The following CFAP58 variants were observed in gnomAD, a reference collection of about 807,000 sequenced individuals.
CFAP58 encodes the protein cilia and flagella associated protein 58.
A neutral mutation model predicts 119.5 loss-of-function variants in CFAP58; 88 were observed. That is an observed-to-expected ratio of 0.74 (90% CI 0.62 to 0.88). CFAP58 has a LOEUF of 0.88. Ranked by LOEUF, CFAP58 falls within the 40% of genes least tolerant of loss-of-function variation. The pLI is 0.00. For synonymous variants in CFAP58, 365 were observed against 366.3 expected (o/e 1.00, Z 0.04); for missense variants, 990 against 1,021.2 (o/e 0.97, Z 0.42).
chr10:104,357,966 T>C lies in CFAP58; in HGVS notation c.10-375T>C, dbSNP rs1018768368. Among the ~76,000 whole-genome samples, 136 of 103,202 alleles carry C rather than the reference T, an allele frequency of 1.3e-3. 3 individuals carry two copies. In the South Asian group the frequency reaches 0.021, roughly 16 times the overall value. 67.7% of individuals were successfully genotyped at this position (103,202 alleles called of 152,430 possible). A position where few individuals can be genotyped will look rare whatever the true frequency, so the allele number is the denominator to read the frequency against. ...ATGTACACATATATACACATATATG[T>C]ACACATATGTACATATGTACACATA... is the stretch of plus-strand genomic sequence containing the variant. On this transcript the variant is annotated intron_variant, in intron 1 of 17. Coordinates refer to ENST00000369704, the MANE Select transcript of CFAP58 (RefSeq NM_001008723.2).
intron 9 of CFAP58, chr10:104,382,193 G>C (rs1188162506): frequency 2.8e-6 from 2 of 717,376 alleles, no homozygotes; most frequent in South Asian, 3.0e-5. Context: ...CCCTCAGGGA[G>C]CTTCTGAGCC....
intron 7 of CFAP58, among the ~76,000 whole-genome samples, chr10:104,376,481 C>T (rs982279044): frequency 1.5e-5 from 2 of 131,514 alleles, no homozygotes; most frequent in African/African-American, 5.8e-5. Context: ...CCAGCCTGGG[C>T]GACAGAGCAA....
At chr10:104,353,799 A>G, upstream of CFAP58, 1 of 1,449,064 alleles carries the variant, frequency 6.9e-7, no homozygotes, top group Non-Finnish European at 9.5e-7. Context: ...GGCGGGCGAT[A>G]GAGACAGCGC....
At chr10:104,433,016 G>T (rs1257064540) in intron 15 of CFAP58, among the ~76,000 whole-genome samples, 1 of 152,202 alleles carries the variant, frequency 6.6e-6, no homozygotes, top group Non-Finnish European at 1.5e-5. Flanking sequence ...TAAGGTTAAA[G>T]ATGGCTTTGC....
At chr10:104,338,842 ACT>A in the CFAP58 span, among the ~76,000 whole-genome samples, 2 of 151,750 alleles carry the variant, frequency 1.3e-5, no homozygotes, top group East Asian at 3.9e-4. Context: ...GGAAAATATA[ACT>A]CTAGACAAAA....
chr10:104,339,839 T>C, the CFAP58 span, among the ~76,000 whole-genome samples: 4 of 152,162 alleles, frequency 2.6e-5, no homozygotes, highest in African/African-American at 4.8e-5. Flanking sequence ...TTGAAAGAGC[T>C]GTATTTCCAA....
At chr10:104,452,923 G>A (rs2013218059) in intron 17 of CFAP58, among the ~76,000 whole-genome samples, 1 of 152,058 alleles carries the variant, frequency 6.6e-6, no homozygotes, top group Admixed American at 6.6e-5. Flanking sequence ...TAGTTCATAG[G>A]AGAATAGCAA....
rs370273670 is a variant in CFAP58, at chr10:104,385,396, T to A, written c.1365+5176T>A. 6.0e-5 allele frequency among the ~76,000 whole-genome samples: 9 copies of A among 149,240 alleles called. No homozygotes were observed. In the South Asian group the frequency reaches 1.7e-3, roughly 28 times the overall value. ...CGTTACTGCTAGGAGAAAGCAAAGATGAAATAAAAAGGAAGAGTTGGACAA... is the reference window on the plus strand; with the variant it reads ...CGTTACTGCTAGGAGAAAGCAAAGAAGAAATAAAAAGGAAGAGTTGGACAA... On this transcript the variant is annotated intron_variant, in intron 9 of 17. Transcript: ENST00000369704.
At chr10:104,371,748 A>G (rs769904998) in intron 7 of CFAP58, among the ~76,000 whole-genome samples, 1 of 152,224 alleles carries the variant, frequency 6.6e-6, no homozygotes, top group Non-Finnish European at 1.5e-5. Context: ...ATCATCATCC[A>G]GATATATTCT....
At chr10:104,357,936 C>T (rs529691179) in intron 1 of CFAP58, among the ~76,000 whole-genome samples, 3 of 111,426 alleles carry the variant, frequency 2.7e-5, no homozygotes, top group East Asian at 2.3e-4. Context: ...CATATACACA[C>T]ATATATGTAC....
rs557129519 is a variant in CFAP58 at position 104,368,401 on chromosome 10, C to G, written c.793-22C>G. 82 of 1,612,114 alleles carry G rather than the reference C, an allele frequency of 5.1e-5. No individual in the cohort carries two copies. The South Asian group carries it at 8.8e-4, about 17-fold the overall frequency. ...TGTAATCAGATTAAAAAGCATTAAC[C>G]AGCTCATTCCATCCCTTTCAGATAT... On this transcript the variant is annotated intron_variant, in intron 5 of 17. Coordinates refer to ENST00000369704, the MANE Select transcript of CFAP58 (RefSeq NM_001008723.2).
At position 104,454,147 on chromosome 10, in the gene CFAP58, C is replaced by T. The variant is rs1589942165; in HGVS notation, c.2511-275C>T. ...ATAAAACAGGAAGATGATTCCAAGT[C>T]AGAAGTCACCAAATACATAGTGCTT... On this transcript the variant is annotated intron_variant, in intron 17 of 17. Transcript: ENST00000369704. Among the ~76,000 whole-genome samples, 5 of 152,206 alleles carry T rather than the reference C, an allele frequency of 3.3e-5. No individual in the cohort carries two copies. In the South Asian group the frequency reaches 1.0e-3, roughly 32 times the overall value.
chr10:104,420,751 A>ATTTTTTTTTTTTTTTTTTTT (rs66462966), intron 15 of CFAP58, among the ~76,000 whole-genome samples: 1 of 121,624 alleles, frequency 8.2e-6, no homozygotes, highest in African/African-American at 3.2e-5. Context: ...TTTATATTTG[A>ATTTTTTTTTTTTTTTTTTTT]TTTTTTTTTT....
At chr10:104,417,175 C>G (rs1174563976) in intron 15 of CFAP58, among the ~76,000 whole-genome samples, 1 of 152,218 alleles carries the variant, frequency 6.6e-6, no homozygotes, top group Non-Finnish European at 1.5e-5. Context: ...TTCAGAGCAA[C>G]AGCTGTGGTG....
chr10:104,429,599 C>A (rs1319873151), intron 15 of CFAP58, among the ~76,000 whole-genome samples: 2 of 152,146 alleles, frequency 1.3e-5, no homozygotes, highest in African/African-American at 4.8e-5. Context: ...AGCCTCAATT[C>A]CTCTTTGATA....
chr10:104,447,717 T>C lies in CFAP58; in HGVS notation c.2276T>C (p.Met759Thr). 4 of 1,614,106 alleles carry C rather than the reference T, an allele frequency of 2.5e-6. No homozygotes were observed. The highest frequency in any genetic ancestry group is 3.4e-6 in the Non-Finnish European group (4 of 1,179,994). ...LLLQEKEKLY[M>T]ELKHVLARQP... Reference sequence around the variant, plus strand: ...CACTAGGAAAAGGAGAAACTCTACATGGAACTAAAGCACGTCTTGGCCCGC... The same window carrying C: ...CACTAGGAAAAGGAGAAACTCTACACGGAACTAAAGCACGTCTTGGCCCGC... Residue 759 changes from methionine to threonine, a missense_variant, in exon 16 of 18, where the codon ATG becomes ACG. Coordinates refer to ENST00000369704, the MANE Select transcript of CFAP58 (RefSeq NM_001008723.2).
At chr10:104,398,058 G>A (rs2012195760) in intron 11 of CFAP58, among the ~76,000 whole-genome samples, 1 of 152,344 alleles carries the variant, frequency 6.6e-6, no homozygotes, top group Middle Eastern at 3.4e-3. Context: ...AAGCCTGACT[G>A]TTGAATGCCC....
chr10:104,433,124 C>T (rs996633092), intron 15 of CFAP58, among the ~76,000 whole-genome samples: 4 of 152,170 alleles, frequency 2.6e-5, no homozygotes, highest in Non-Finnish European at 1.5e-5. Context: ...GACAGGGTCT[C>T]GTTCCATCAC....
chr10:104,358,941 A>G (rs2014632469), intron 2 of CFAP58, among the ~76,000 whole-genome samples: 1 of 152,208 alleles, frequency 6.6e-6, no homozygotes, highest in African/African-American at 2.4e-5. Flanking sequence ...GAGTAATTTA[A>G]TACCTCATGA....
Sources: gnomAD v4.1 joint callset for allele counts (sites outside exome capture counted in the v4.1 genomes callset) on GRCh38, gnomAD v4.1.1 for gene constraint, MANE v1.5 for transcripts, NCBI Gene and HGNC (gene_info 2026-07-23, HGNC 2026-07-21) for gene names.